Variants in ABHD17A observed in about 807,000 individuals in gnomAD.
ABHD17A encodes the protein abhydrolase domain containing 17A, depalmitoylase, also known as alpha/beta hydrolase domain-containing protein 17A.
In ABHD17A, 10 loss-of-function variants were observed where a neutral mutation model predicts 26.8. That is an observed-to-expected ratio of 0.37 (90% CI 0.23 to 0.63). The LOEUF is 0.63. Among genes scored for constraint, ABHD17A ranks in the 30% least tolerant of loss-of-function variants. ABHD17A has a pLI of 0.61. For synonymous variants in ABHD17A, 167 were observed against 210.9 expected (o/e 0.79, Z 1.80); for missense variants, 292 against 457.3 (o/e 0.64, Z 3.30).
In ABHD17A at chr19:1,880,949, C is replaced by A; in HGVS notation, c.332+286G>T. The A allele has an allele frequency of 6.2e-7, 1 of 1,613,056 alleles. No homozygotes were observed. On this transcript the variant is annotated intron_variant, in intron 2 of 4. Transcript: ENST00000292577. This position sits in a 1 kb window ranked among gnomAD's most constrained non-coding sequence, Gnocchi z 4.1. ...CCAGGGCAGCCCCTGTGCCCCAGCTCTTGCCCAGCAGGCAACCACCAGGCG... is the reference window on the plus strand; with the variant it reads ...CCAGGGCAGCCCCTGTGCCCCAGCTATTGCCCAGCAGGCAACCACCAGGCG...
chr19:1,876,935 CGAGA>C lies in ABHD17A; in HGVS notation c.*261_*264del, dbSNP rs113128073. On this transcript the variant is annotated 3_prime_UTR_variant, in exon 5 of 5. Transcript: ENST00000292577. ...CCCCCTTTCGAGCTCGCTGAGCGCT[CGAGA>C]GAGTGAGCAGAGCCATGAAAGGAAG... The C allele has an allele frequency of 6.1e-3, 3,070 of 500,726 alleles. 59 individuals carry two copies. Among genetic ancestry groups the C allele is most frequent in the African/African-American group, 0.048 (2,435 of 50,434 alleles). The allele number at this position is 500,726 out of a possible 1,614,324, so 31.0% of individuals were successfully genotyped here.
Position 1,881,686 on chromosome 19 carries a change from C to A in ABHD17A, c.-120G>T. On this transcript the variant is annotated 5_prime_UTR_variant, in exon 2 of 5. Coordinates refer to ENST00000292577, the MANE Select transcript of ABHD17A (RefSeq NM_001130111.2). ...CGCGGGCAGGGGGGAGAGCGCCCCC[C>A]CAGCTACCGCCCCAGACAGCAGCCC... 6 of 1,350,904 alleles carry A rather than the reference C, an allele frequency of 4.4e-6. No individual in the cohort carries two copies. Among genetic ancestry groups the A allele is most frequent in the Admixed American group, 3.6e-5 (1 of 27,618 alleles). The allele number at this position is 1,350,904 out of a possible 1,614,324, so 83.7% of individuals were successfully genotyped here.
chr19:1,881,116 G>A, intron 2 of ABHD17A, 119 bp downstream of exon 2: 3 of 1,565,704 alleles, frequency 1.9e-6, no homozygotes, highest in Middle Eastern at 1.8e-4. Context: ...CTGGCTGGAT[G>A]GCCCTTCACG....
At position 1,881,790 on chromosome 19, in the gene ABHD17A, G is replaced by A. The variant is rs1043817155; in HGVS notation, c.-224C>T. 219 of 567,764 alleles carry A rather than the reference G, an allele frequency of 3.9e-4. No individual in the cohort carries two copies. The highest frequency in any genetic ancestry group is 5.0e-4 in the Middle Eastern group (1 of 2,014). 35.2% of individuals were successfully genotyped at this position (567,764 alleles called of 1,614,324 possible). ...CCTCGCAACCACAGGTCTCCATGTC[G>A]TGCCGTGGGAAGCCCTGCGGGGGAA... On this transcript the variant is annotated 5_prime_UTR_variant, in exon 2 of 5. The change creates a new upstream start codon in the 5' untranslated region. Transcript: ENST00000292577.
At chr19:1,881,114 A>T in intron 2 of ABHD17A, 121 bp downstream of exon 2, 4 of 1,569,020 alleles carry the variant, frequency 2.5e-6, no homozygotes, top group Non-Finnish European at 3.5e-6. Flanking sequence ...TGCTGGCTGG[A>T]TGGCCCTTCA....
chr19:1,881,324 G>C lies in ABHD17A; in HGVS notation c.243C>G (p.Arg81=), dbSNP rs778458570. The C allele has an allele frequency of 1.2e-6, 2 of 1,610,688 alleles. No individual in the cohort carries two copies. Among genetic ancestry groups the C allele is most frequent in the East Asian group, 2.2e-5 (1 of 44,872 alleles). ...TERADFQYSQ[R]ELDTIEVFPT... ...GGAAGACCTCGATGGTGTCCAGCTC[G>C]CGCTGGCTGTACTGGAAGTCGGCAC... Residue 81 remains arginine (R), a synonymous_variant, in exon 2 of 5, where the codon CGC becomes CGG. Coordinates refer to ENST00000292577, the MANE Select transcript of ABHD17A (RefSeq NM_001130111.2).
chr19:1,879,850 C>CGCCCCCCG lies in ABHD17A; in HGVS notation c.527+63_527+70dup, dbSNP rs1447605918. ...CGCCCACCTTCCTCCCAGGGAAGCC[C>CGCCCCCCG]GCCCCCCGGCCCCCCGCCTGGTCCC... On this transcript the variant is annotated intron_variant, in intron 3 of 4. Transcript: ENST00000292577. The surrounding 1 kb of genome is among the most constrained non-coding windows in gnomAD (Gnocchi z 7.6). The CGCCCCCCG allele has an allele frequency of 6.8e-7, 1 of 1,476,548 alleles. No individual in the cohort carries two copies. The highest frequency in any genetic ancestry group is 2.5e-5 in the East Asian group (1 of 40,492). 91.5% of individuals were successfully genotyped at this position (1,476,548 alleles called of 1,614,324 possible). A position where few individuals can be genotyped will look rare whatever the true frequency, so the allele number is the denominator to read the frequency against.
In ABHD17A at chr19:1,880,772, C is replaced by A; in HGVS notation, c.332+463G>T. ...AGCACGGGAGCTGCCCCAGGTGGTG[C>A]CAGGAGCAGGTGGCCAGGCTGGCCC... On this transcript the variant is annotated intron_variant, in intron 2 of 4. Transcript: ENST00000292577. This position sits in a 1 kb window ranked among gnomAD's most constrained non-coding sequence, Gnocchi z 4.1. 1 of 1,397,474 alleles carries A rather than the reference C, an allele frequency of 7.2e-7. No homozygotes were observed. Among genetic ancestry groups the A allele is most frequent in the East Asian group, 2.4e-5 (1 of 41,630 alleles). The allele number at this position is 1,397,474 out of a possible 1,614,324, so 86.6% of individuals were successfully genotyped here.
chr19:1,883,567 G>C (rs1412532301), intron 1 of ABHD17A: 1 of 152,304 alleles, frequency 6.6e-6, no homozygotes, highest in Non-Finnish European at 1.5e-5. Context: ...ACACCGAGGT[G>C]GCCAGGGCCC....
intron 3 of ABHD17A, chr19:1,878,180 G>C (rs2012426866): frequency 6.2e-6 from 1 of 160,892 alleles, no homozygotes; most frequent in South Asian, 1.7e-4. Context: ...AGGCAGCTGT[G>C]TCCCCAAATG....
At position 1,879,865 on chromosome 19, in the gene ABHD17A, C is replaced by G. The variant is rs372115600; in HGVS notation, c.527+56G>C. On this transcript the variant is annotated intron_variant, in intron 3 of 4. Transcript: ENST00000292577. This position sits in a 1 kb window ranked among gnomAD's most constrained non-coding sequence, Gnocchi z 7.6. ...CAGGGAAGCCCGCCCCCCGGCCCCC[C>G]GCCTGGTCCCCTCTTGGGTGTGCCC... 133 of 1,517,832 alleles carry G rather than the reference C, an allele frequency of 8.8e-5. No individual in the cohort carries two copies. In the East Asian group the frequency reaches 3.1e-3, roughly 35 times the overall value. The allele number at this position is 1,517,832 out of a possible 1,614,324, so 94.0% of individuals were successfully genotyped here. A position where few individuals can be genotyped will look rare whatever the true frequency, so the allele number is the denominator to read the frequency against.
chr19:1,877,709 C>T lies in ABHD17A; in HGVS notation c.528-22G>A, dbSNP rs768352246. On this transcript the variant is annotated intron_variant, in intron 3 of 4. Coordinates refer to ENST00000292577, the MANE Select transcript of ABHD17A (RefSeq NM_001130111.2). ...GTACCTGGCGGCGCCGGAGCAGGGT[C>T]AGCCGCGGCCTCCGACGCGCGCGCA... is the stretch of plus-strand genomic sequence containing the variant. 8 of 1,585,006 alleles carry T rather than the reference C, an allele frequency of 5.0e-6. No individual in the cohort carries two copies. The African/African-American group carries it at 1.1e-4, about 21-fold the overall frequency.
rs544811296 is a variant in ABHD17A, at chr19:1,883,925, A to G, written c.-239+1427T>C. ...CATTCCGGCTCAGGCCGACCTCTCC[A>G]GACTCACTCATCTCACACCCTGCCA... On this transcript the variant is annotated intron_variant, in intron 1 of 4. Transcript: ENST00000292577. 3.6e-3 allele frequency: 545 copies of G among 152,776 alleles called. 7 individuals are homozygous for G. The highest frequency in any genetic ancestry group is 8.8e-3 in the South Asian group (43 of 4,870). The allele number at this position is 152,776 out of a possible 1,614,324, so 9.5% of individuals were successfully genotyped here.
Position 1,879,749 on chromosome 19 carries a change from C to A in ABHD17A, c.527+172G>T. 1.6e-6 allele frequency: 1 copy of A among 636,978 alleles called. No individual in the cohort carries two copies. The highest frequency in any genetic ancestry group is 2.8e-5 in the East Asian group (1 of 36,278). The allele number at this position is 636,978 out of a possible 1,614,324, so 39.5% of individuals were successfully genotyped here. On this transcript the variant is annotated intron_variant, in intron 3 of 4. Transcript: ENST00000292577. The surrounding 1 kb of genome is among the most constrained non-coding windows in gnomAD (Gnocchi z 7.6). The stretch of plus-strand genomic sequence containing the variant: ...TGGCCACACCTCAGCCATGTGGAGG[C>A]GGCACCTGCACACCCAAGCTCGCCT...
In ABHD17A at chr19:1,880,518, C is replaced by T. The variant is rs1335093200; in HGVS notation, c.333-403G>A. ...AGAACCTGGACCCCCGGGGATGGAG[C>T]GCACAGGCCCACCTTTCAGGACCTT... On this transcript the variant is annotated intron_variant, in intron 2 of 4. Transcript: ENST00000292577. This position sits in a 1 kb window ranked among gnomAD's most constrained non-coding sequence, Gnocchi z 4.1. Among the ~76,000 whole-genome samples the T allele has an allele frequency of 3.9e-5, 6 of 152,196 alleles. No homozygotes were observed. The highest frequency in any genetic ancestry group is 4.1e-4 in the South Asian group (2 of 4,834).
chr19:1,880,628 C>A lies in ABHD17A; in HGVS notation c.333-513G>T, dbSNP rs1384951657. Among the ~76,000 whole-genome samples the A allele has an allele frequency of 6.6e-6, 1 of 152,168 alleles. No homozygotes were observed. Among genetic ancestry groups the A allele is most frequent in the Non-Finnish European group, 1.5e-5 (1 of 68,016 alleles). ...CCCTCACTGTTGGGGCACAACTGGA[C>A]CCCACCCCTGCCCCCAACAAGCAAA... is the stretch of plus-strand genomic sequence containing the variant. On this transcript the variant is annotated intron_variant, in intron 2 of 4. Transcript: ENST00000292577. The surrounding 1 kb of genome is among the most constrained non-coding windows in gnomAD (Gnocchi z 4.1).
chr19:1,884,852 G>A (rs2012633801), intron 1 of ABHD17A, among the ~76,000 whole-genome samples: 1 of 152,178 alleles, frequency 6.6e-6, no homozygotes, highest in African/African-American at 2.4e-5. Flanking sequence ...GCAAGCGATG[G>A]ACAACATAGG....
At position 1,876,943 on chromosome 19, in the gene ABHD17A, TGAGCAGAGCCATGAAAGGAAGGA is replaced by T. The variant is rs1279008480; in HGVS notation, c.*234_*256del. On this transcript the variant is annotated 3_prime_UTR_variant, in exon 5 of 5. Coordinates refer to ENST00000292577, the MANE Select transcript of ABHD17A (RefSeq NM_001130111.2). ...CGAGCTCGCTGAGCGCTCGAGAGAG[TGAGCAGAGCCATGAAAGGAAGGA>T]GAGCAGCCCTAAAATTTTAAATCTT... 2 of 508,208 alleles carry T rather than the reference TGAGCAGAGCCATGAAAGGAAGGA, an allele frequency of 3.9e-6. No individual in the cohort carries two copies. The highest frequency in any genetic ancestry group is 7.3e-5 in the East Asian group (2 of 27,506). The allele number at this position is 508,208 out of a possible 1,614,324, so 31.5% of individuals were successfully genotyped here.
chr19:1,882,655 T>C (rs886969117), intron 1 of ABHD17A: 2 of 152,234 alleles, frequency 1.3e-5, no homozygotes, highest in Non-Finnish European at 2.9e-5. Context: ...TCGGACCTTC[T>C]TCCTTGCTGC....
Sources: allele counts gnomAD v4.1 joint callset (sites outside exome capture counted in the v4.1 genomes callset), GRCh38; gene constraint gnomAD v4.1.1; non-coding constraint Gnocchi (gnomAD v3.1); transcripts MANE v1.5; gene names NCBI Gene and HGNC (gene_info 2026-07-23, HGNC 2026-07-21).